ZNF469: variants seen among roughly 807,000 people sequenced by gnomAD.
ZNF469 encodes the protein zinc finger protein 469.
A neutral mutation model predicts 1.0 loss-of-function variants in ZNF469; 1 was observed. The observed-to-expected ratio is 1.00, with a 90% confidence interval of 0.35 to 4.73. ZNF469 has a LOEUF of 4.73. ZNF469 is among the 30% of genes most tolerant of loss of function. The pLI is 0.16. For missense variants in ZNF469, 6,100 were observed against 5,356.3 expected (o/e 1.14, Z -4.33); for synonymous variants, 2,703 against 2,363.4 (o/e 1.14, Z -4.17).
At chr16:88,188,692 G>C in the ZNF469 span, among the ~76,000 whole-genome samples, 1 of 152,154 alleles carries the variant, frequency 6.6e-6, no homozygotes, top group Non-Finnish European at 1.5e-5. Flanking sequence ...GGGTCTCCAG[G>C]CTGGGAACAC....
intron 1 of ZNF469, among the ~76,000 whole-genome samples, chr16:88,406,658 G>A (rs981110356): frequency 2.6e-5 from 4 of 152,186 alleles, no homozygotes; most frequent in East Asian, 1.9e-4. Context: ...CCCTGCCTCC[G>A]AGGGCCGCAG....
the ZNF469 span, among the ~76,000 whole-genome samples, chr16:88,136,264 CCCT>C: frequency 6.6e-6 from 1 of 152,182 alleles, no homozygotes; most frequent in Non-Finnish European, 1.5e-5. Context: ...CTGGCCCCTG[CCCT>C]CCTCCTCCTC....
the ZNF469 span, among the ~76,000 whole-genome samples, chr16:88,198,338 G>A: frequency 3.3e-5 from 5 of 152,228 alleles, no homozygotes; most frequent in Admixed American, 6.5e-5. Context: ...CCTGAGGGAC[G>A]TGGGAAGCCC....
chr16:88,168,925 C>CCG, the ZNF469 span, among the ~76,000 whole-genome samples: 19 of 152,158 alleles, frequency 1.2e-4, no homozygotes, highest in African/African-American at 4.3e-4. This position sits in a 1 kb window ranked among gnomAD's most constrained non-coding sequence, Gnocchi z 4.3. Flanking sequence ...GTGAGACCCC[C>CCG]CCCTCTACAA....
At chr16:88,187,576 G>GT in the ZNF469 span, among the ~76,000 whole-genome samples, 15,344 of 151,892 alleles carry the variant, frequency 0.1, 1,053 homozygotes, top group South Asian at 0.21. Flanking sequence ...TATTTAGGTT[G>GT]TTTTTTTCTT....
At chr16:88,152,129 G>T in the ZNF469 span, among the ~76,000 whole-genome samples, 1 of 152,348 alleles carries the variant, frequency 6.6e-6, no homozygotes, top group Non-Finnish European at 1.5e-5. This position sits in a 1 kb window ranked among gnomAD's most constrained non-coding sequence, Gnocchi z 4.2. Flanking sequence ...GTGGAGGAGG[G>T]CAGGCGTCTC....
At chr16:88,271,115 G>T in the ZNF469 span, among the ~76,000 whole-genome samples, 1 of 151,994 alleles carries the variant, frequency 6.6e-6, no homozygotes, top group Non-Finnish European at 1.5e-5. Context: ...GATGGTAACA[G>T]AACCTGCCTT....
At chr16:88,355,358 G>A in the ZNF469 span, among the ~76,000 whole-genome samples, 5 of 152,214 alleles carry the variant, frequency 3.3e-5, no homozygotes, top group African/African-American at 1.2e-4. Context: ...GCTAAACTGG[G>A]AGCCCCTGAA....
At chr16:88,195,684 A>C in the ZNF469 span, among the ~76,000 whole-genome samples, 1 of 152,192 alleles carries the variant, frequency 6.6e-6, no homozygotes, top group Non-Finnish European at 1.5e-5. Flanking sequence ...ACGTTTGAAG[A>C]AAAGGGGGAA....
chr16:88,378,322 C>T (rs892055469), upstream of ZNF469, among the ~76,000 whole-genome samples: 2 of 152,236 alleles, frequency 1.3e-5, no homozygotes, highest in African/African-American at 4.8e-5. Context: ...GTCTACTCAG[C>T]AAAGTCCACG....
the ZNF469 span, among the ~76,000 whole-genome samples, chr16:88,352,689 C>T: frequency 6.9e-3 from 1,052 of 152,352 alleles, 14 homozygotes; most frequent in African/African-American, 0.024. Flanking sequence ...TGGCTGGTAG[C>T]AGCCGTGGGG....
the ZNF469 span, among the ~76,000 whole-genome samples, chr16:88,365,457 A>G: frequency 1.3e-5 from 2 of 152,270 alleles, no homozygotes; most frequent in Non-Finnish European, 2.9e-5. Flanking sequence ...GGGGCCAAGC[A>G]CCCATCTGCT....
the ZNF469 span, among the ~76,000 whole-genome samples, chr16:88,352,684 G>T: frequency 5.9e-5 from 9 of 152,382 alleles, no homozygotes; most frequent in African/African-American, 2.2e-4. Context: ...CTCCCTGGCT[G>T]GTAGCAGCCG....
chr16:88,159,053 C>T, the ZNF469 span, among the ~76,000 whole-genome samples: 15 of 152,074 alleles, frequency 9.9e-5, no homozygotes, highest in East Asian at 1.9e-3. Context: ...GTGCACCGGT[C>T]ACGGATGCTC....
In ZNF469 at chr16:88,434,993, C is replaced by T. The variant is rs570690992; in HGVS notation, c.7523C>T (p.Ala2508Val). The change falls in exon 3 of 3, where the codon GCG (alanine) becomes GTG (valine). Residue 2508 changes from alanine to valine, a missense_variant. Ala to Val is a moderately conservative substitution (Grantham distance 64). Coordinates refer to ENST00000565624, the MANE Select transcript of ZNF469 (RefSeq NM_001367624.2). ...HPGAPAEPSPAALPAQQPLEP... is the reference protein window; with the variant it reads ...HPGAPAEPSPVALPAQQPLEP... ...GGAGCCCCCGCGGAGCCGAGCCCAG[C>T]GGCCTTGCCTGCTCAGCAGCCTCTA... 364 of 1,550,206 alleles carry T rather than the reference C, an allele frequency of 2.3e-4. 2 individuals are homozygous for T. The highest frequency in any genetic ancestry group is 5.1e-4 in the African/African-American group (37 of 73,182).
the ZNF469 span, among the ~76,000 whole-genome samples, chr16:88,252,981 G>A: frequency 6.6e-5 from 10 of 152,142 alleles, no homozygotes; most frequent in Non-Finnish European, 1.3e-4. Context: ...TGTATCTGCC[G>A]GTTTTTTGCT....
upstream of ZNF469, among the ~76,000 whole-genome samples, chr16:88,378,067 C>G (rs992913660): frequency 6.6e-6 from 1 of 152,122 alleles, no homozygotes; most frequent in African/African-American, 2.4e-5. Flanking sequence ...TCCAACTGTC[C>G]TAGACGCCCC....
rs1388618405 is a variant in ZNF469, at chr16:88,437,050, C to T, written c.9580C>T (p.Leu3194=). The change falls in exon 3 of 3, where the codon CTG becomes TTG. Residue 3194 remains leucine (L), a synonymous_variant. Coordinates refer to ENST00000565624, the MANE Select transcript of ZNF469 (RefSeq NM_001367624.2). ...VADVWMYNEH[L]REHAVRFARR... ...CGACGTCTGGATGTACAACGAGCAC[C>T]TGCGTGAGCACGCGGTCCGCTTCGC... is the stretch of plus-strand genomic sequence containing the variant. 3.9e-6 allele frequency: 6 copies of T among 1,536,922 alleles called. No homozygotes were observed. Among genetic ancestry groups the T allele is most frequent in the Non-Finnish European group, 5.2e-6 (6 of 1,143,340 alleles).
upstream of ZNF469, among the ~76,000 whole-genome samples, chr16:88,380,051 A>G (rs1567495085): frequency 2.0e-5 from 3 of 152,104 alleles, no homozygotes. Flanking sequence ...ATGCAGTCAC[A>G]CACACACATA....
Sources: allele counts gnomAD v4.1 joint callset (sites outside exome capture counted in the v4.1 genomes callset), GRCh38; gene constraint gnomAD v4.1.1; non-coding constraint Gnocchi (gnomAD v3.1); transcripts MANE v1.5; gene names NCBI Gene and HGNC (gene_info 2026-07-23, HGNC 2026-07-21).